The following PTGFR variants were observed in gnomAD, a reference collection of about 807,000 sequenced individuals.
PTGFR encodes prostaglandin F2-alpha receptor.
PTGFR carries 15 observed loss-of-function variants against 26.2 expected under a neutral mutation model. The observed-to-expected ratio is 0.57, with a 90% confidence interval of 0.38 to 0.88. The LOEUF (loss-of-function observed/expected upper bound fraction) is 0.88, where lower values mean the gene tolerates loss of function less well. PTGFR is among the 40% of genes least tolerant of loss of function. The pLI is 0.00. For synonymous variants in PTGFR, 165 were observed against 151.1 expected (o/e 1.09, Z -0.68); for missense variants, 369 against 427.2 (o/e 0.86, Z 1.20).
intron 2 of PTGFR, among the ~76,000 whole-genome samples, chr1:78,524,004 C>G (rs1227908053): frequency 6.6e-6 from 1 of 152,062 alleles, no homozygotes; most frequent in African/African-American, 2.4e-5. Flanking sequence ...TTCAGTAACT[C>G]CTTTGGAACA....
chr1:78,511,598 C>A (rs1265614143), intron 2 of PTGFR, among the ~76,000 whole-genome samples: 3 of 152,166 alleles, frequency 2.0e-5, no homozygotes, highest in Non-Finnish European at 2.9e-5. Context: ...GAGGGAGCTG[C>A]CTCAAAGACT....
intron 2 of PTGFR, among the ~76,000 whole-genome samples, chr1:78,525,971 T>C (rs1407365350): frequency 6.6e-6 from 1 of 152,128 alleles, no homozygotes; most frequent in Admixed American, 6.6e-5. Flanking sequence ...AGTAGTCTTC[T>C]GGAATTAGCA....
At chr1:78,525,056 C>T (rs1175146062) in intron 2 of PTGFR, among the ~76,000 whole-genome samples, 30 of 151,628 alleles carry the variant, frequency 2.0e-4, no homozygotes. Flanking sequence ...TTCCAACATG[C>T]CAGATGTGTA....
chr1:78,519,592 AC>A (rs1246557285), intron 2 of PTGFR, among the ~76,000 whole-genome samples: 1 of 152,122 alleles, frequency 6.6e-6, no homozygotes, highest in Non-Finnish European at 1.5e-5. Context: ...CACATGTGCT[AC>A]AGGGGATACA....
chr1:78,494,766 C>T (rs988663304), intron 2 of PTGFR, among the ~76,000 whole-genome samples: 1 of 152,054 alleles, frequency 6.6e-6, no homozygotes. Flanking sequence ...GCACCAAACC[C>T]GGCTAATTTT....
intron 2 of PTGFR, among the ~76,000 whole-genome samples, chr1:78,525,533 C>T (rs1213011073): frequency 1.3e-5 from 2 of 151,972 alleles, no homozygotes; most frequent in African/African-American, 4.8e-5. Context: ...TATCATCAAC[C>T]AGGGAAGATC....
chr1:78,503,676 G>A (rs1412005545), intron 2 of PTGFR, among the ~76,000 whole-genome samples: 4 of 152,228 alleles, frequency 2.6e-5, no homozygotes, highest in African/African-American at 9.6e-5. Flanking sequence ...AACTCCACAT[G>A]CTTCCTCTGC....
intron 2 of PTGFR, among the ~76,000 whole-genome samples, chr1:78,518,948 T>C (rs1650159683): frequency 6.6e-6 from 1 of 152,128 alleles, no homozygotes; most frequent in Non-Finnish European, 1.5e-5. Context: ...TCAAGGTGCT[T>C]AACTACTCTT....
rs1388548367 is a variant in PTGFR, at chr1:78,510,825, C to T, written c.798+17284C>T. ...AGCCTGTGACAGCAAAGAAAAGATA[C>T]AATGGTGGTACAAGCATTAGGTAAA... is the stretch of plus-strand genomic sequence containing the variant. On this transcript the variant is annotated intron_variant, in intron 2 of 2. Transcript: ENST00000370757. Among the ~76,000 whole-genome samples, 11 of 152,240 alleles carry T rather than the reference C, an allele frequency of 7.2e-5. No individual in the cohort carries two copies. The East Asian group carries it at 1.2e-3, about 16-fold the overall frequency.
At chr1:78,502,487 G>T (rs1467692741) in intron 2 of PTGFR, among the ~76,000 whole-genome samples, 3 of 152,116 alleles carry the variant, frequency 2.0e-5, no homozygotes, top group Non-Finnish European at 4.4e-5. Flanking sequence ...TAGGGTGGTT[G>T]TGAGAATTAA....
chr1:78,506,967 T>C (rs1320502382), intron 2 of PTGFR, among the ~76,000 whole-genome samples: 1 of 152,224 alleles, frequency 6.6e-6, no homozygotes, highest in Non-Finnish European at 1.5e-5. Context: ...GGAAATTGAC[T>C]TGACCAGACT....
At chr1:78,529,176 A>G (rs1188348435) in intron 2 of PTGFR, among the ~76,000 whole-genome samples, 1 of 152,196 alleles carries the variant, frequency 6.6e-6, no homozygotes, top group East Asian at 1.9e-4. Context: ...AATGTGTTAT[A>G]GGAGAGATGG....
At chr1:78,508,608 A>G (rs561091230) in intron 2 of PTGFR, among the ~76,000 whole-genome samples, 13 of 152,258 alleles carry the variant, frequency 8.5e-5, no homozygotes, top group South Asian at 4.1e-4. Flanking sequence ...CCTGACTTCT[A>G]TCTCTGATCC....
chr1:78,521,089 T>G (rs538976), intron 2 of PTGFR, among the ~76,000 whole-genome samples: 12,656 of 152,064 alleles, frequency 0.083, 878 homozygotes, highest in African/African-American at 0.19. Flanking sequence ...ATCCCCCAGC[T>G]CTATAGACAC....
At chr1:78,525,416 A>G (rs1650347314) in intron 2 of PTGFR, among the ~76,000 whole-genome samples, 1 of 151,940 alleles carries the variant, frequency 6.6e-6, no homozygotes. Flanking sequence ...AGAGGATACA[A>G]ATTAGGACCA....
Position 78,491,138 on chromosome 1 carries a change from G to A in PTGFR, c.-171G>A, listed in dbSNP as rs1165080465. 2.0e-5 allele frequency: 3 copies of A among 152,466 alleles called. No homozygotes were observed. In the East Asian group the frequency reaches 5.8e-4, roughly 29 times the overall value. The allele number at this position is 152,466 out of a possible 1,614,324, so 9.4% of individuals were successfully genotyped here. A position where few individuals can be genotyped will look rare whatever the true frequency, so the allele number is the denominator to read the frequency against. On this transcript the variant is annotated 5_prime_UTR_variant, in exon 1 of 3. In the 5' UTR this introduces an upstream ATG that the reference lacks. Coordinates refer to ENST00000370757, the MANE Select transcript of PTGFR (RefSeq NM_000959.4). ...GATCAGGATCTCCGCGCTGGGATCG[G>A]TGGAACTTGAGGCAGCGGCGGCGCG...
chr1:78,506,700 A>G (rs1203500752), intron 2 of PTGFR, among the ~76,000 whole-genome samples: 1 of 152,138 alleles, frequency 6.6e-6, no homozygotes, highest in Non-Finnish European at 1.5e-5. Context: ...CCTAATAAAT[A>G]TAATAGCATA....
At chr1:78,515,704 T>C (rs553413117) in intron 2 of PTGFR, among the ~76,000 whole-genome samples, 130 of 152,360 alleles carry the variant, frequency 8.5e-4, no homozygotes, top group South Asian at 6.6e-3. Flanking sequence ...AGATAAAATA[T>C]AGCATCTAAT....
At position 78,538,311 on chromosome 1, in the gene PTGFR, T is replaced by C. The variant is rs1650707064; in HGVS notation, c.*1624T>C. The C allele has an allele frequency of 6.6e-6, 1 of 152,018 alleles. No individual in the cohort carries two copies. The allele number at this position is 152,018 out of a possible 1,614,324, so 9.4% of individuals were successfully genotyped here. On this transcript the variant is annotated 3_prime_UTR_variant, in exon 3 of 3. Coordinates refer to ENST00000370757, the MANE Select transcript of PTGFR (RefSeq NM_000959.4). ...GCTCCAGGATCCTTCTCCTTGAGGC[T>C]TCTAAATAAATGGCAGAATTCTTGC...
Sources: allele counts gnomAD v4.1 joint callset (sites outside exome capture counted in the v4.1 genomes callset), GRCh38; gene constraint gnomAD v4.1.1; transcripts MANE v1.5; gene names NCBI Gene and HGNC (gene_info 2026-07-23, HGNC 2026-07-21).